WDSUB1: variants seen among roughly 807,000 people sequenced by gnomAD.
WDSUB1 encodes the protein WD repeat, sterile alpha motif and U-box domain containing 1, also known as WD repeat, SAM and U-box domain-containing protein 1.
In WDSUB1, 49 loss-of-function variants were observed where a neutral mutation model predicts 53.9. That is an observed-to-expected ratio of 0.91 (90% CI 0.72 to 1.15). The LOEUF (loss-of-function observed/expected upper bound fraction) is 1.15, where lower values mean the gene tolerates loss of function less well. Ranked by LOEUF, WDSUB1 falls within the 50% of genes most tolerant of loss-of-function variation. The pLI is 0.00. For missense variants in WDSUB1, 514 were observed against 562.0 expected (o/e 0.91, Z 0.86); for synonymous variants, 194 against 200.6 (o/e 0.97, Z 0.28).
At chr2:159,262,735 G>C (rs986476876) in intron 5 of WDSUB1, among the ~76,000 whole-genome samples, 2 of 152,180 alleles carry the variant, frequency 1.3e-5, no homozygotes. Context: ...TTGAGTTTGA[G>C]AGATCAGGAG....
intron 5 of WDSUB1, among the ~76,000 whole-genome samples, chr2:159,261,378 C>G (rs12618342): frequency 6.6e-6 from 1 of 151,908 alleles, no homozygotes; most frequent in Non-Finnish European, 1.5e-5. Context: ...CAGATACCAA[C>G]GGATAACTGT....
intron 5 of WDSUB1, among the ~76,000 whole-genome samples, chr2:159,264,082 G>T (rs1025513207): frequency 2.0e-5 from 3 of 152,170 alleles, no homozygotes; most frequent in African/African-American, 7.2e-5. Context: ...TAAAACCCAT[G>T]TTTTTTAATA....
At chr2:159,276,501 AATATT>A (rs2061544624) in intron 3 of WDSUB1, among the ~76,000 whole-genome samples, 1 of 152,238 alleles carries the variant, frequency 6.6e-6, no homozygotes, top group Admixed American at 6.5e-5. Context: ...TTTGGTTGAA[AATATT>A]ATATTATTTA....
intron 4 of WDSUB1, 105 bp from the exon 5 acceptor site, chr2:159,271,900 C>T: frequency 1.1e-6 from 1 of 880,636 alleles, no homozygotes; most frequent in Non-Finnish European, 1.7e-6. Flanking sequence ...TCTTTGAGTG[C>T]CTAAAGGACA....
chr2:159,260,711 T>A (rs994776999), intron 5 of WDSUB1, among the ~76,000 whole-genome samples: 2 of 152,150 alleles, frequency 1.3e-5, no homozygotes, highest in Admixed American at 1.3e-4. Flanking sequence ...AATACAACAT[T>A]ATAACAAAAT....
intron 9 of WDSUB1, among the ~76,000 whole-genome samples, chr2:159,249,921 AAAG>A (rs201069316): frequency 0.028 from 4,189 of 149,086 alleles, 182 homozygotes; most frequent in African/African-American, 0.094. Flanking sequence ...CAAAAAAAAA[AAAG>A]AAAGAAAGAA....
intron 4 of WDSUB1, among the ~76,000 whole-genome samples, chr2:159,273,281 C>G (rs1229043741): frequency 5.3e-5 from 8 of 151,998 alleles, no homozygotes; most frequent in African/African-American, 1.7e-4. Context: ...AGTTGCACAC[C>G]AAATTAAGAC....
chr2:159,264,859 G>A (rs1202354505), intron 5 of WDSUB1, among the ~76,000 whole-genome samples: 2 of 152,054 alleles, frequency 1.3e-5, no homozygotes, highest in East Asian at 1.9e-4. Flanking sequence ...TGAGGTAGGC[G>A]GATCACCTGA....
intron 1 of WDSUB1, among the ~76,000 whole-genome samples, chr2:159,283,600 C>G (rs2061724626): frequency 1.7e-5 from 1 of 57,190 alleles, no homozygotes; most frequent in South Asian, 3.3e-4. Context: ...ATTTTCTATT[C>G]TAATAAACTA....
rs535671262 is a variant in WDSUB1, at chr2:159,240,677, C to T, written c.1274-4487G>A. On this transcript the variant is annotated intron_variant, in intron 10 of 10. Coordinates refer to ENST00000359774, the MANE Select transcript of WDSUB1 (RefSeq NM_001128212.3). ...ATGATGTAAGATATTGTTAGCATTC[C>T]TATTTTATAAATGAGGAAACTGAGG... 5.9e-5 allele frequency among the ~76,000 whole-genome samples: 9 copies of T among 152,244 alleles called. No homozygotes were observed. In the South Asian group the frequency reaches 1.2e-3, roughly 21 times the overall value.
chr2:159,272,613 A>G (rs1186625458), intron 4 of WDSUB1, among the ~76,000 whole-genome samples: 2 of 152,224 alleles, frequency 1.3e-5, no homozygotes, highest in Non-Finnish European at 2.9e-5. Flanking sequence ...CTTTTAAACT[A>G]TACCACAATT....
chr2:159,252,720 A>G (rs1352662839), intron 9 of WDSUB1, among the ~76,000 whole-genome samples: 1 of 152,262 alleles, frequency 6.6e-6, no homozygotes, highest in Non-Finnish European at 1.5e-5. Context: ...CGAATTAATA[A>G]GAACCGAAAC....
chr2:159,248,557 T>A, intron 9 of WDSUB1, 45 bp from the exon 10 acceptor site: 1 of 1,459,364 alleles, frequency 6.9e-7, no homozygotes, highest in East Asian at 2.6e-5. Flanking sequence ...CTAGTAATCC[T>A]TACTACTAGG....
rs747959365 is a variant in WDSUB1, at chr2:159,275,605, G to A, written c.617C>T (p.Ala206Val). 2.5e-6 allele frequency: 4 copies of A among 1,606,480 alleles called. No individual in the cohort carries two copies. The Admixed American group carries it at 6.8e-5, about 27-fold the overall frequency. The change falls in exon 4 of 11, where the codon GCA (alanine) becomes GTA (valine). Residue 206 changes from alanine (A) to valine (V), a missense_variant. Transcript: ENST00000359774. The part of the protein sequence containing the change: ...GEQGLQFFRL[A>V]SCGQDCQVKI... ...GACTTGGCAATCCTGACCACATGAT[G>A]CCAGTCGAAAAAACTGAAGACCTTG...
At chr2:159,237,101 G>T (rs1006004975) in intron 10 of WDSUB1, among the ~76,000 whole-genome samples, 1 of 152,116 alleles carries the variant, frequency 6.6e-6, no homozygotes, top group African/African-American at 2.4e-5. Context: ...TCAAAATAAT[G>T]CCAGTATATT....
Position 159,256,264 on chromosome 2 carries a change from A to G in WDSUB1, c.1064T>C (p.Met355Thr). 2 of 1,612,112 alleles carry G rather than the reference A, an allele frequency of 1.2e-6. No homozygotes were observed. Among genetic ancestry groups the G allele is most frequent in the Non-Finnish European group, 1.7e-6 (2 of 1,179,448 alleles). The part of the protein sequence containing the change: ...DLKDLVGIFK[M>T]NNIDGKELLN... Reference sequence around the variant, plus strand: ...CAGTTCTTTTCCATCAATGTTATTCATCTTGAAAATACCAACAAGATCTTT... The same window carrying G: ...CAGTTCTTTTCCATCAATGTTATTCGTCTTGAAAATACCAACAAGATCTTT... Residue 355 changes from methionine to threonine, a missense_variant, in exon 9 of 11, where the codon ATG (methionine) becomes ACG (threonine). Met to Thr is a moderately conservative substitution (Grantham distance 81). Transcript: ENST00000359774.
At chr2:159,270,477 G>A (rs2061425296) in intron 5 of WDSUB1, among the ~76,000 whole-genome samples, 1 of 152,194 alleles carries the variant, frequency 6.6e-6, no homozygotes, top group Non-Finnish European at 1.5e-5. Flanking sequence ...AATGATATTA[G>A]AGCAAGGACA....
chr2:159,265,045 T>C (rs879462369), intron 5 of WDSUB1, among the ~76,000 whole-genome samples: 5 of 149,726 alleles, frequency 3.3e-5, no homozygotes, highest in East Asian at 1.9e-4. Context: ...GATCGCGCCA[T>C]TGCAGTCCAG....
At chr2:159,268,533 G>T (rs151135980) in intron 5 of WDSUB1, among the ~76,000 whole-genome samples, 32 of 152,242 alleles carry the variant, frequency 2.1e-4, no homozygotes, top group African/African-American at 7.5e-4. Context: ...TGGAAAAAAA[G>T]AACCATCAGC....
Sources: allele counts gnomAD v4.1 joint callset (sites outside exome capture counted in the v4.1 genomes callset), GRCh38; gene constraint gnomAD v4.1.1; transcripts MANE v1.5; gene names NCBI Gene and HGNC (gene_info 2026-07-23, HGNC 2026-07-21).